The following SEMA5B variants were observed in gnomAD, a reference collection of about 807,000 sequenced individuals.
SEMA5B encodes the protein semaphorin 5B.
In SEMA5B, 66 loss-of-function variants were observed where a neutral mutation model predicts 135.0. The observed-to-expected ratio is 0.49, with a 90% CI of 0.40 to 0.60. The LOEUF is 0.60. SEMA5B is among the 20% of genes least tolerant of loss of function. SEMA5B has a pLI of 0.00. For synonymous variants in SEMA5B, 690 were observed against 639.5 expected, an observed-to-expected ratio of 1.08 and a Z score of -1.19; for missense variants, 1,501 against 1,566.3, an observed-to-expected ratio of 0.96 and a Z score of 0.70.
intron 5 of SEMA5B, among the ~76,000 whole-genome samples, chr3:122,933,231 G>A (rs1202714355): frequency 6.6e-6 from 1 of 151,680 alleles, no homozygotes; most frequent in Non-Finnish European, 1.5e-5. Flanking sequence ...GCTTATTTTG[G>A]TGGAACACAT....
In SEMA5B at chr3:122,948,407, A is replaced by G. The variant is rs918936123; in HGVS notation, c.328+99T>C. 4 of 1,037,920 alleles carry G rather than the reference A, an allele frequency of 3.9e-6. No homozygotes were observed. The African/African-American group carries it at 6.5e-5, about 17-fold the overall frequency. The allele number at this position is 1,037,920 out of a possible 1,614,324, so 64.3% of individuals were successfully genotyped here. A position where few individuals can be genotyped will look rare whatever the true frequency, so the allele number is the denominator to read the frequency against. On this transcript the variant is annotated intron_variant, in intron 3 of 22. Coordinates refer to ENST00000357599, the MANE Select transcript of SEMA5B (RefSeq NM_001031702.4). ...GGACCCAGCAGTTAATGAACATCCC[A>G]AGGACATCCAACAGCCAGAAACATC...
At chr3:123,017,976 C>A (rs1383441596) in intron 1 of SEMA5B, among the ~76,000 whole-genome samples, 1 of 151,688 alleles carries the variant, frequency 6.6e-6, no homozygotes, top group Non-Finnish European at 1.5e-5. Flanking sequence ...GTTGGTTGAA[C>A]CTTTTTAGTG....
intron 1 of SEMA5B, among the ~76,000 whole-genome samples, chr3:122,994,843 G>A (rs1941988300): frequency 6.6e-6 from 1 of 152,190 alleles, no homozygotes; most frequent in African/African-American, 2.4e-5. Flanking sequence ...GATGAAATGG[G>A]TACTGTGCCA....
chr3:123,000,643 T>A (rs543805820), intron 1 of SEMA5B, among the ~76,000 whole-genome samples: 26 of 152,178 alleles, frequency 1.7e-4, no homozygotes, highest in Non-Finnish European at 3.4e-4. Flanking sequence ...AACAGGCCAA[T>A]AGGTGGCACA....
chr3:123,004,065 C>A (rs1942247164), intron 1 of SEMA5B, among the ~76,000 whole-genome samples: 2 of 152,104 alleles, frequency 1.3e-5, no homozygotes, highest in Admixed American at 1.3e-4. Context: ...CCAACCCCTG[C>A]TAAAGCTAAA....
intron 4 of SEMA5B, among the ~76,000 whole-genome samples, chr3:122,940,793 CCTT>C (rs775691207): frequency 2.0e-5 from 3 of 152,210 alleles, no homozygotes; most frequent in Admixed American, 6.5e-5. Context: ...CCTCTGCTGT[CCTT>C]CTCCAACCCC....
intron 12 of SEMA5B, among the ~76,000 whole-genome samples, chr3:122,919,762 A>C (rs1938257843): frequency 1.3e-5 from 2 of 152,062 alleles, no homozygotes; most frequent in Admixed American, 1.3e-4. Flanking sequence ...TTTTGGATTC[A>C]CCTATAGTTT....
intron 2 of SEMA5B, among the ~76,000 whole-genome samples, chr3:122,949,453 G>T (rs1026405278): frequency 2.6e-5 from 4 of 152,252 alleles, no homozygotes; most frequent in African/African-American, 9.6e-5. Context: ...CTTCCAGCCT[G>T]CAAGTTGCCC....
At chr3:122,929,181 T>G (rs1938818696) in intron 5 of SEMA5B, 123 bp from the exon 6 acceptor site, 8 of 912,598 alleles carry the variant, frequency 8.8e-6, no homozygotes, top group Non-Finnish European at 1.4e-5. Flanking sequence ...AGGGCTGGTC[T>G]GCAGGGTGAG....
At chr3:123,003,853 T>A (rs935001483) in intron 1 of SEMA5B, among the ~76,000 whole-genome samples, 4 of 127,800 alleles carry the variant, frequency 3.1e-5, no homozygotes, top group Admixed American at 1.6e-4. Flanking sequence ...AATAAATAAA[T>A]AAATAATAAT....
intron 1 of SEMA5B, among the ~76,000 whole-genome samples, chr3:122,986,561 G>T (rs1327347736): frequency 6.6e-6 from 1 of 151,794 alleles, no homozygotes; most frequent in African/African-American, 2.4e-5. Flanking sequence ...GCAGGAGGGG[G>T]CACTGGGAGA....
chr3:122,911,190 AG>A, intron 21 of SEMA5B, 145 bp from the exon 22 acceptor site: 1 of 991,704 alleles, frequency 1.0e-6, no homozygotes, highest in Non-Finnish European at 1.5e-6. Context: ...GGAAACAGGG[AG>A]GCTGGGGAGG....
intron 4 of SEMA5B, among the ~76,000 whole-genome samples, chr3:122,942,844 T>C (rs990280290): frequency 3.3e-5 from 5 of 152,198 alleles, no homozygotes; most frequent in Non-Finnish European, 7.3e-5. Context: ...CGGCCCTCTC[T>C]AAGCCCCCTC....
intron 7 of SEMA5B, 64 bp from the exon 8 acceptor site, chr3:122,928,067 T>C: frequency 1.6e-6 from 2 of 1,269,956 alleles, no homozygotes; most frequent in Non-Finnish European, 2.1e-6. Flanking sequence ...GTTCTTTCCA[T>C]CTGAGTTTTG....
intron 5 of SEMA5B, among the ~76,000 whole-genome samples, chr3:122,930,427 A>G (rs993465715): frequency 6.6e-6 from 1 of 152,260 alleles, no homozygotes; most frequent in African/African-American, 2.4e-5. Flanking sequence ...GAGCACTGTC[A>G]TACTCAGGAC....
At chr3:122,990,507 G>A (rs1941842775) in intron 1 of SEMA5B, among the ~76,000 whole-genome samples, 1 of 152,090 alleles carries the variant, frequency 6.6e-6, no homozygotes, top group Non-Finnish European at 1.5e-5. Flanking sequence ...TTGCCTGCAT[G>A]GGAGGAGACA....
chr3:122,984,903 CCT>C (rs917760733), intron 1 of SEMA5B, among the ~76,000 whole-genome samples: 16 of 152,080 alleles, frequency 1.1e-4, no homozygotes, highest in African/African-American at 1.9e-4. Context: ...ATAATTTCCC[CCT>C]GTTTCTCCCA....
chr3:122,973,701 T>C (rs987107144), intron 1 of SEMA5B, among the ~76,000 whole-genome samples: 1 of 149,592 alleles, frequency 6.7e-6, no homozygotes, highest in Non-Finnish European at 1.5e-5. Context: ...ACTTGGGGGG[T>C]TGTAGATTCC....
intron 12 of SEMA5B, among the ~76,000 whole-genome samples, chr3:122,919,481 C>T (rs1938246079): frequency 6.6e-6 from 1 of 152,172 alleles, no homozygotes; most frequent in South Asian, 2.1e-4. Flanking sequence ...GAGATAACCC[C>T]TGGATCCTGG....
Sources: gnomAD v4.1 joint callset for allele counts (sites outside exome capture counted in the v4.1 genomes callset) on GRCh38, gnomAD v4.1.1 for gene constraint, MANE v1.5 for transcripts, NCBI Gene and HGNC (gene_info 2026-07-23, HGNC 2026-07-21) for gene names.